The following ZMYM3 variants were observed in gnomAD, a reference collection of about 807,000 sequenced individuals.
The protein encoded by ZMYM3 is zinc finger MYM-type containing 3, also known as zinc finger MYM-type protein 3.
ZMYM3 carries 6 observed loss-of-function variants against 94.2 expected under a neutral mutation model. The ratio of observed to expected loss-of-function variants is 0.06; its 90% CI spans 0.03 to 0.13. The LOEUF (loss-of-function observed/expected upper bound fraction) is 0.13, where lower values mean the gene tolerates loss of function less well. ZMYM3 is among the 10% of genes least tolerant of loss of function. The pLI is 1.00. For synonymous variants in ZMYM3, 420 were observed against 426.5 expected, an observed-to-expected ratio of 0.98 and a Z score of 0.19; for missense variants, 664 against 1,132.6, an observed-to-expected ratio of 0.59 and a Z score of 5.94.
chrX:71,253,297 G>A (rs780415126), intron 1 of ZMYM3, 23 bp from the exon 2 acceptor site: 4 of 1,090,805 alleles, frequency 3.7e-6, no homozygotes, highest in Non-Finnish European at 4.8e-6. Flanking sequence ...AGTAGAAGAG[G>A]GGGCAGTAGA....
chrX:71,250,378 C>A, intron 5 of ZMYM3, 54 bp downstream of exon 5: 2 of 1,143,969 alleles, frequency 1.7e-6, no homozygotes, highest in East Asian at 3.1e-5. Context: ...CTGTCTTACT[C>A]ATACTCCTGC....
chrX:71,247,909 G>A lies in ZMYM3; in HGVS notation c.1976-3C>T. On this transcript the variant is annotated splice_region_variant and splice_polypyrimidine_tract_variant and intron_variant, in intron 11 of 24. Coordinates refer to ENST00000314425, the MANE Select transcript of ZMYM3 (RefSeq NM_201599.3). ...CTGTTTGTACAGCAGCACACAGCCT[G>A]GAAAGAGGAGAAGAGGAAAGAGAGT... 1 of 1,184,208 alleles carries A rather than the reference G, an allele frequency of 8.4e-7. No individual in the cohort carries two copies.
At chrX:71,247,936 C>A in intron 11 of ZMYM3, 30 bp from the exon 12 acceptor site, 1 of 1,159,406 alleles carries the variant, frequency 8.6e-7, no homozygotes, top group East Asian at 3.1e-5. Context: ...AAAGAGAGTC[C>A]AGAGACACAG....
chrX:71,252,456 G>C, intron 2 of ZMYM3, 133 bp downstream of exon 2: 1 of 492,514 alleles, frequency 2.0e-6, no homozygotes, highest in Non-Finnish European at 2.6e-6. Context: ...TAAACCCCAA[G>C]TCCTTCCCCA....
intron 18 of ZMYM3, 135 bp from the exon 19 acceptor site, chrX:71,245,028 G>T: frequency 1.9e-6 from 1 of 531,316 alleles, no homozygotes; most frequent in Non-Finnish European, 3.0e-6. Context: ...CAAAAAGCAT[G>T]CTCAGAGGCA....
chrX:71,241,353 G>T lies in ZMYM3; in HGVS notation c.3803-9C>A, dbSNP rs369768301. On this transcript the variant is annotated splice_polypyrimidine_tract_variant and intron_variant, in intron 23 of 24. Coordinates refer to ENST00000314425, the MANE Select transcript of ZMYM3 (RefSeq NM_201599.3). ...TTTTCCAGGACCCGTGTCTATAGGG[G>T]AGGGAAATGATTCAGACTCATTAAG... 68 of 1,161,421 alleles carry T rather than the reference G, an allele frequency of 5.9e-5. No individual in the cohort carries two copies. The African/African-American group carries it at 8.4e-4, about 14-fold the overall frequency.
rs1420911224 is a variant in ZMYM3, at chrX:71,250,542, C to A, written c.963G>T (p.Gly321=). Residue 321 remains glycine (G), a synonymous_variant, in exon 5 of 25, where the codon GGG becomes GGT. Transcript: ENST00000314425. ...CAHCRTPLQK[G]QTAYQRKGLP... ...GCCCCTTGCGCTGATAGGCAGTCTG[C>A]CCCTTCTGCAGTGGTGTCCGGCAAT... 3.3e-6 allele frequency: 4 copies of A among 1,209,959 alleles called. No individual in the cohort carries two copies. The highest frequency in any genetic ancestry group is 2.2e-5 in the Admixed American group (1 of 45,831).
At chrX:71,254,749 G>C (rs953897484), upstream of ZMYM3, 1 of 111,597 alleles carries the variant, frequency 9.0e-6, no homozygotes, top group African/African-American at 3.3e-5. Context: ...GGGGTAGTGA[G>C]TGACAGCGGA....
chrX:71,244,734 C>G (rs1014783706), intron 19 of ZMYM3, 56 bp downstream of exon 19: 8 of 1,041,049 alleles, frequency 7.7e-6, no homozygotes, highest in Non-Finnish European at 1.1e-5. Context: ...GCTCTCGCAT[C>G]ATCTCCCCTT....
Position 71,248,505 on chromosome X carries a change from C to T in ZMYM3, c.1757G>A (p.Gly586Asp). 5.8e-6 allele frequency: 7 copies of T among 1,210,492 alleles called. No homozygotes were observed. The highest frequency in any genetic ancestry group is 7.8e-6 in the Non-Finnish European group (7 of 894,758). ...ACAGTAGTGACAGCTCAGGTGAATG[C>T]CCCCCTCAGGGCTTGTGCGCTGGAG... ...TKFQRTSPEGGIHLSCHYCHS... is the reference protein window; with the variant it reads ...TKFQRTSPEGDIHLSCHYCHS... Residue 586 changes from glycine (G) to aspartate (D), a missense_variant, in exon 10 of 25, where the codon GGC becomes GAC. Physicochemically the swap from Gly to Asp is moderately conservative, Grantham distance 94. Transcript: ENST00000314425.
In ZMYM3 at chrX:71,244,316, T is replaced by C; in HGVS notation, c.3266A>G (p.Glu1089Gly). Residue 1089 changes from glutamate to glycine, a missense_variant, in exon 20 of 25, where the codon GAG becomes GGG. This residue lies in a region of ZMYM3 where 75 missense variants were observed against 152.5 expected (regional missense o/e 0.49). Transcript: ENST00000314425. ...CAAGTACTTACGGCCAAAGCGCAGC[T>C]CATCACCCTTGCTGGTTTCTCCATT... ...YANGETSKGD[E>G]LRFGPKPMRI... 8.4e-7 allele frequency: 1 copy of C among 1,194,228 alleles called. No individual in the cohort carries two copies. Among genetic ancestry groups the C allele is most frequent in the Non-Finnish European group, 1.1e-6 (1 of 887,127 alleles).
At position 71,252,614 on chromosome X, in the gene ZMYM3, G is replaced by T. The variant is rs750974711; in HGVS notation, c.642C>A (p.Ser214Arg). The stretch of plus-strand genomic sequence containing the variant: ...CTGGCAAGGAAGGATGTGCAGGGGG[G>T]CTAGAGCCCCCAGGTTTGGTCTGAG... ...NSSQTKPGGS[S>R]PPAHPSLPGD... Residue 214 changes from serine (S) to arginine (R), a missense_variant, in exon 2 of 25, where the codon AGC (serine) becomes AGA (arginine). Ser to Arg is a moderately radical substitution (Grantham distance 110, BLOSUM62 -1). This residue lies in a region of ZMYM3 where 196 missense variants were observed against 190.8 expected (regional missense o/e 1.03). Coordinates refer to ENST00000314425, the MANE Select transcript of ZMYM3 (RefSeq NM_201599.3). 3 of 1,139,254 alleles carry T rather than the reference G, an allele frequency of 2.6e-6. No homozygotes were observed. The highest frequency in any genetic ancestry group is 3.5e-6 in the Non-Finnish European group (3 of 861,938). 93.9% of individuals were successfully genotyped at this position (1,139,254 alleles called of 1,213,427 possible). A position where few individuals can be genotyped will look rare whatever the true frequency, so the allele number is the denominator to read the frequency against.
rs780680812 is a variant in ZMYM3 at position 71,248,567 on chromosome X, C to T, written c.1738-43G>A. On this transcript the variant is annotated intron_variant, in intron 9 of 24. Transcript: ENST00000314425. ...AAGTAAGGGAGGGGCAAGATGTGTG[C>T]AGCGGTGGGGAAGGGGAGTCAGGCT... 1.4e-5 allele frequency: 17 copies of T among 1,180,206 alleles called. No homozygotes were observed. In the Middle Eastern group the frequency reaches 1.0e-3, roughly 69 times the overall value.
rs746952554 is a variant in ZMYM3 at position 71,248,399 on chromosome X, G to A, written c.1824+39C>T. The A allele has an allele frequency of 4.2e-6, 5 of 1,197,434 alleles. No individual in the cohort carries two copies. The African/African-American group carries it at 7.0e-5, about 17-fold the overall frequency. On this transcript the variant is annotated intron_variant, in intron 10 of 24. Coordinates refer to ENST00000314425, the MANE Select transcript of ZMYM3 (RefSeq NM_201599.3). ...GTGGAAGGACCCCTTCAGACAGTCT[G>A]GTCGTGTGGCAAGACGTGGGTGGGG...
At chrX:71,254,943 TG>T, upstream of ZMYM3, 1 of 110,551 alleles carries the variant, frequency 9.0e-6, no homozygotes, top group East Asian at 2.9e-4. Context: ...CGTTACTGCT[TG>T]ATGACCCCCA....
chrX:71,247,476 T>G lies in ZMYM3; in HGVS notation c.2183A>C (p.Lys728Thr). Reference sequence around the variant, plus strand: ...ACGCCAGTGGATGGTCTCCAGCAGCTTCCCCTGGCGCTTACACGCATGGCA... The same window carrying G: ...ACGCCAGTGGATGGTCTCCAGCAGCGTCCCCTGGCGCTTACACGCATGGCA... Reference protein sequence around the residue: ...ARCHACKRQGKLLETIHWRGQ... With the variant: ...ARCHACKRQGTLLETIHWRGQ... Residue 728 changes from lysine to threonine, a missense_variant, in exon 13 of 25, where the codon AAG (lysine) becomes ACG (threonine). Physicochemically the swap from Lys to Thr is moderately conservative, Grantham distance 78. Transcript: ENST00000314425. The G allele has an allele frequency of 8.3e-7, 1 of 1,211,528 alleles. No individual in the cohort carries two copies. Among genetic ancestry groups the G allele is most frequent in the Non-Finnish European group, 1.1e-6 (1 of 895,243 alleles).
At position 71,252,868 on chromosome X, in the gene ZMYM3, C is replaced by T. The variant is rs1282382960; in HGVS notation, c.388G>A (p.Ala130Thr). ...TCAGGTGAACAGGAATTTGCCCCAG[C>T]CCCTGGATCAGGTGGTACCACCTCA... ...TPEVVPPDPGAGANSCSPEGL... is the reference protein window; with the variant it reads ...TPEVVPPDPGTGANSCSPEGL... Residue 130 changes from alanine (A) to threonine (T), a missense_variant, in exon 2 of 25, where the codon GCT becomes ACT. This residue lies in a region of ZMYM3 where 196 missense variants were observed against 190.8 expected (regional missense o/e 1.03). Coordinates refer to ENST00000314425, the MANE Select transcript of ZMYM3 (RefSeq NM_201599.3). 1 of 1,210,227 alleles carries T rather than the reference C, an allele frequency of 8.3e-7. No individual in the cohort carries two copies. Among genetic ancestry groups the T allele is most frequent in the Admixed American group, 2.2e-5 (1 of 45,844 alleles).
chrX:71,243,256 C>A (rs1474637424), intron 21 of ZMYM3, among the ~76,000 whole-genome samples, 172 bp from the exon 22 acceptor site: 1 of 111,420 alleles, frequency 9.0e-6, no homozygotes, highest in Non-Finnish European at 1.9e-5. Flanking sequence ...CAGCTCTGCG[C>A]TACTCAGGCT....
rs767988032 is a variant in ZMYM3, at chrX:71,242,955, G to A, written c.3547+15C>T. Reference sequence around the variant, plus strand: ...GGAGAAAGCGGGTAGGGGTTGCTACGTCCCTGTTCCTTACTGTTGGGGAGG... The same window carrying A: ...GGAGAAAGCGGGTAGGGGTTGCTACATCCCTGTTCCTTACTGTTGGGGAGG... On this transcript the variant is annotated intron_variant, in intron 22 of 24. Transcript: ENST00000314425. 8 of 1,190,381 alleles carry A rather than the reference G, an allele frequency of 6.7e-6. No individual in the cohort carries two copies. In the East Asian group the frequency reaches 1.2e-4, roughly 18 times the overall value.
Sources: allele counts gnomAD v4.1 joint callset (sites outside exome capture counted in the v4.1 genomes callset), GRCh38; gene constraint gnomAD v4.1.1; regional missense constraint gnomAD v4.1.1; transcripts MANE v1.5; gene names NCBI Gene and HGNC (gene_info 2026-07-23, HGNC 2026-07-21).